SPIRE1: variants seen among roughly 807,000 people sequenced by gnomAD.
SPIRE1 encodes protein spire homolog 1.
SPIRE1 carries 40 observed loss-of-function variants against 94.1 expected under a neutral mutation model. The observed-to-expected ratio is 0.43, with a 90% CI of 0.33 to 0.55. The LOEUF (loss-of-function observed/expected upper bound fraction) is 0.55. Ranked by LOEUF, SPIRE1 falls within the 20% of genes least tolerant of loss-of-function variation. SPIRE1 has a pLI of 0.06. For synonymous variants in SPIRE1, 376 were observed against 371.7 expected, an observed-to-expected ratio of 1.01 and a Z score of -0.13; for missense variants, 838 against 975.2, an observed-to-expected ratio of 0.86 and a Z score of 1.87.
intron 2 of SPIRE1, among the ~76,000 whole-genome samples, chr18:12,624,762 G>A (rs959669937): frequency 6.7e-6 from 1 of 150,008 alleles, no homozygotes; most frequent in African/African-American, 2.5e-5. Context: ...AACCTGGGAG[G>A]CAGAGGTTGC....
At chr18:12,658,211 G>T (rs1465174908), upstream of SPIRE1, 2 of 586,160 alleles carry the variant, frequency 3.4e-6, no homozygotes, top group Admixed American at 5.0e-5. Context: ...TGGAGGTGAG[G>T]ACCAGGCAGG....
chr18:12,489,937 T>C (rs1178690301), intron 8 of SPIRE1, among the ~76,000 whole-genome samples: 1 of 152,210 alleles, frequency 6.6e-6, no homozygotes, highest in East Asian at 1.9e-4. Flanking sequence ...TGCAATTACA[T>C]GTAGGGGAAA....
At chr18:12,643,302 C>A (rs534234443) in intron 1 of SPIRE1, among the ~76,000 whole-genome samples, 2 of 152,272 alleles carry the variant, frequency 1.3e-5, no homozygotes, top group East Asian at 3.9e-4. Flanking sequence ...TTCACAAGCT[C>A]AAAAATACAT....
At chr18:12,475,947 A>G (rs1455390627) in intron 10 of SPIRE1, among the ~76,000 whole-genome samples, 1 of 152,196 alleles carries the variant, frequency 6.6e-6, no homozygotes, top group Non-Finnish European at 1.5e-5. Context: ...CTGTAAGGAA[A>G]CACAGTTTGA....
chr18:12,467,203 G>A (rs547081195), intron 10 of SPIRE1, among the ~76,000 whole-genome samples: 3 of 152,276 alleles, frequency 2.0e-5, no homozygotes, highest in South Asian at 2.1e-4. Flanking sequence ...ACTTGAACCC[G>A]GGAGGTGGAG....
intron 8 of SPIRE1, among the ~76,000 whole-genome samples, chr18:12,488,985 A>G (rs2033138344): frequency 6.6e-6 from 1 of 152,054 alleles, no homozygotes; most frequent in Admixed American, 6.6e-5. Context: ...GGAGATTGAG[A>G]CCATCCTGGC....
chr18:12,497,749 C>A (rs987214053), intron 6 of SPIRE1, among the ~76,000 whole-genome samples: 5 of 152,190 alleles, frequency 3.3e-5, no homozygotes, highest in Non-Finnish European at 7.4e-5. Flanking sequence ...TTAAAAAAAA[C>A]CTTATTTCAT....
chr18:12,602,002 G>A (rs1373673723), intron 2 of SPIRE1, among the ~76,000 whole-genome samples: 1 of 152,142 alleles, frequency 6.6e-6, no homozygotes, highest in Non-Finnish European at 1.5e-5. Flanking sequence ...AGACGTGGGT[G>A]ACTAGTTGTG....
intron 4 of SPIRE1, among the ~76,000 whole-genome samples, chr18:12,516,676 G>T (rs1316307442): frequency 6.6e-6 from 1 of 152,186 alleles, no homozygotes; most frequent in African/African-American, 2.4e-5. Flanking sequence ...CTACAAATAT[G>T]AGTTCATGCT....
rs552948597 is a variant in SPIRE1 at position 12,479,947 on chromosome 18, A to T, written c.1232-76T>A. 26 of 1,395,892 alleles carry T rather than the reference A, an allele frequency of 1.9e-5. No homozygotes were observed. The African/African-American group carries it at 2.6e-4, about 14-fold the overall frequency. The allele number at this position is 1,395,892 out of a possible 1,614,324, so 86.5% of individuals were successfully genotyped here. A position where few individuals can be genotyped will look rare whatever the true frequency, so the allele number is the denominator to read the frequency against. On this transcript the variant is annotated intron_variant, in intron 9 of 16. Transcript: ENST00000409402. ...GTGTTGGAAGCATACCAGGTAACAGAGCATTTCATACAAAAACACAGAGGC... is the reference window on the plus strand; with the variant it reads ...GTGTTGGAAGCATACCAGGTAACAGTGCATTTCATACAAAAACACAGAGGC...
intron 3 of SPIRE1, among the ~76,000 whole-genome samples, chr18:12,537,835 T>C (rs1302276554): frequency 6.6e-6 from 1 of 152,084 alleles, no homozygotes; most frequent in Non-Finnish European, 1.5e-5. Flanking sequence ...TACAAAATAT[T>C]GTAAAAGAAA....
intron 1 of SPIRE1, among the ~76,000 whole-genome samples, chr18:12,647,190 T>C (rs1463239969): frequency 6.6e-6 from 1 of 152,222 alleles, no homozygotes; most frequent in Non-Finnish European, 1.5e-5. Context: ...TAATGTCTCA[T>C]ATCAGTTTTA....
intron 2 of SPIRE1, among the ~76,000 whole-genome samples, chr18:12,571,794 G>T (rs554030084): frequency 1.9e-4 from 29 of 152,300 alleles, no homozygotes; most frequent in Non-Finnish European, 3.4e-4. Context: ...TTTCCCAAGA[G>T]CAAAGTGTAT....
chr18:12,569,508 GGGC>G (rs2035908532), intron 2 of SPIRE1, among the ~76,000 whole-genome samples: 2 of 152,012 alleles, frequency 1.3e-5, no homozygotes, highest in African/African-American at 2.4e-5. Context: ...GAGACAAGGG[GGGC>G]TACCAGAAAA....
intron 2 of SPIRE1, among the ~76,000 whole-genome samples, chr18:12,551,543 T>C (rs1286004905): frequency 6.6e-6 from 1 of 151,650 alleles, no homozygotes; most frequent in African/African-American, 2.4e-5. Context: ...CTACTAAAAA[T>C]ACAAAAACAA....
chr18:12,613,503 T>C (rs1371483632), intron 2 of SPIRE1, among the ~76,000 whole-genome samples: 4 of 152,216 alleles, frequency 2.6e-5, no homozygotes, highest in African/African-American at 4.8e-5. Context: ...TACAGAACAC[T>C]TGACATGTGG....
intron 5 of SPIRE1, among the ~76,000 whole-genome samples, chr18:12,512,194 G>A (rs552490090): frequency 1.1e-3 from 170 of 152,138 alleles, no homozygotes; most frequent in African/African-American, 3.6e-3. Flanking sequence ...GTGAAACCCC[G>A]TCTCTACTAA....
At chr18:12,487,478 G>A (rs915632818) in intron 8 of SPIRE1, among the ~76,000 whole-genome samples, 4 of 148,636 alleles carry the variant, frequency 2.7e-5, no homozygotes, top group Non-Finnish European at 5.9e-5. Context: ...GTGCAATCTC[G>A]GCTCACTACA....
At chr18:12,518,989 T>C (rs1186782835) in intron 4 of SPIRE1, among the ~76,000 whole-genome samples, 1 of 152,204 alleles carries the variant, frequency 6.6e-6, no homozygotes, top group Non-Finnish European at 1.5e-5. Context: ...AAGTCTCCCA[T>C]GCAGAGTTAA....
Sources: allele counts gnomAD v4.1 joint callset (sites outside exome capture counted in the v4.1 genomes callset), GRCh38; gene constraint gnomAD v4.1.1; transcripts MANE v1.5; gene names NCBI Gene and HGNC (gene_info 2026-07-23, HGNC 2026-07-21).